The following CADM2 variants were observed in gnomAD, a reference collection of about 807,000 sequenced individuals.
CADM2 encodes immunoglobulin superfamily member 4D.
A neutral mutation model predicts 49.8 loss-of-function variants in CADM2; 12 were observed. That is an observed-to-expected ratio of 0.24 (90% CI 0.15 to 0.39). The LOEUF (loss-of-function observed/expected upper bound fraction) is 0.39. CADM2 is among the 10% of genes least tolerant of loss of function. The pLI is 1.00. For synonymous variants in CADM2, 214 were observed against 175.4 expected, an observed-to-expected ratio of 1.22 and a Z score of -1.74; for missense variants, 378 against 492.3, an observed-to-expected ratio of 0.77 and a Z score of 2.20.
intron 1 of CADM2, among the ~76,000 whole-genome samples, chr3:85,585,534 A>G (rs769409978): frequency 2.0e-5 from 3 of 151,958 alleles, no homozygotes; most frequent in Middle Eastern, 3.2e-3. Flanking sequence ...ATTCTTTATC[A>G]TAGGAATGTT....
At position 85,325,539 on chromosome 3, in the gene CADM2, G is replaced by A. The variant is rs1009021348; in HGVS notation, c.61+365871G>A. Among the ~76,000 whole-genome samples the A allele has an allele frequency of 1.1e-4, 16 of 151,906 alleles. 1 individual carries two copies. Among genetic ancestry groups the A allele is most frequent in the Admixed American group, 9.2e-4 (14 of 15,222 alleles). ...AGGATGGCCAACATGGCGAAACCCC[G>A]TTTCTGCTAAAAATACAAAAATTAG... is the stretch of plus-strand genomic sequence containing the variant. On this transcript the variant is annotated intron_variant, in intron 1 of 9. Transcript: ENST00000383699.
chr3:85,916,749 T>C (rs4274769), intron 6 of CADM2, among the ~76,000 whole-genome samples: 105,239 of 150,836 alleles, frequency 0.7, 38,261 homozygotes, highest in African/African-American at 0.92. Flanking sequence ...ATCACCACAC[T>C]GACTTCCACA....
intron 1 of CADM2, among the ~76,000 whole-genome samples, chr3:85,055,652 AG>A (rs2036052817): frequency 6.6e-6 from 1 of 152,066 alleles, no homozygotes; most frequent in Admixed American, 6.6e-5. Context: ...TTTCCATTGC[AG>A]ATACCTGCTT....
chr3:85,977,599 A>C (rs1445455223), intron 8 of CADM2, among the ~76,000 whole-genome samples: 1 of 151,636 alleles, frequency 6.6e-6, no homozygotes, highest in African/African-American at 2.4e-5. Context: ...TGTTTAAGAA[A>C]TCTTACCTTG....
intron 1 of CADM2, among the ~76,000 whole-genome samples, chr3:85,704,588 A>C (rs1481325059): frequency 6.6e-6 from 1 of 152,066 alleles, no homozygotes. Context: ...TCTGTTCATG[A>C]GGGCTCTACC....
intron 3 of CADM2, among the ~76,000 whole-genome samples, chr3:85,854,640 T>A (rs1415930436): frequency 6.6e-6 from 1 of 151,644 alleles, no homozygotes; most frequent in Non-Finnish European, 1.5e-5. Context: ...GGGTTGGGGG[T>A]CAAGGGGAGG....
At chr3:85,635,415 A>T (rs2064440049) in intron 1 of CADM2, among the ~76,000 whole-genome samples, 1 of 152,176 alleles carries the variant, frequency 6.6e-6, no homozygotes, top group South Asian at 2.1e-4. Context: ...AAAACTAGTC[A>T]CAGTAATCTC....
intron 8 of CADM2, among the ~76,000 whole-genome samples, chr3:86,003,346 G>A (rs1462330291): frequency 6.6e-6 from 1 of 152,148 alleles, no homozygotes; most frequent in African/African-American, 2.4e-5. Flanking sequence ...AGTTGCAATA[G>A]AGTAATAAAT....
chr3:85,987,959 C>T (rs1305541444), intron 8 of CADM2, among the ~76,000 whole-genome samples: 1 of 152,058 alleles, frequency 6.6e-6, no homozygotes, highest in East Asian at 1.9e-4. Context: ...AGGCACTGCC[C>T]TTGCTTCTTT....
chr3:85,930,344 T>C (rs1246434843), intron 6 of CADM2, among the ~76,000 whole-genome samples: 2 of 152,124 alleles, frequency 1.3e-5, no homozygotes, highest in Non-Finnish European at 1.5e-5. Context: ...GGTGTATATA[T>C]TTATGGGGTA....
intron 7 of CADM2, among the ~76,000 whole-genome samples, chr3:85,957,120 G>T (rs1724161493): frequency 6.6e-6 from 1 of 151,532 alleles, no homozygotes. Flanking sequence ...ATTTTTTGCT[G>T]CTTCAAGAGA....
At chr3:85,565,657 A>G (rs1238886334) in intron 1 of CADM2, among the ~76,000 whole-genome samples, 1 of 152,040 alleles carries the variant, frequency 6.6e-6, no homozygotes, top group African/African-American at 2.4e-5. Flanking sequence ...TTAAATTATC[A>G]CTTACTGGGG....
At chr3:85,623,350 C>T (rs557370196) in intron 1 of CADM2, among the ~76,000 whole-genome samples, 5 of 152,060 alleles carry the variant, frequency 3.3e-5, no homozygotes, top group South Asian at 2.1e-4. Context: ...TTTGATTATA[C>T]GTTATATGAA....
intron 3 of CADM2, among the ~76,000 whole-genome samples, chr3:85,826,598 G>A (rs534861298): frequency 2.6e-5 from 4 of 151,980 alleles, no homozygotes; most frequent in East Asian, 1.9e-4. Flanking sequence ...TCCCCCTACC[G>A]TTAGCAAATG....
At chr3:85,734,124 TG>T (rs2068039996) in intron 2 of CADM2, among the ~76,000 whole-genome samples, 1 of 152,098 alleles carries the variant, frequency 6.6e-6, no homozygotes, top group African/African-American at 2.4e-5. Context: ...ATATTTTTAA[TG>T]AAAAAAATTA....
chr3:85,215,138 A>G (rs2041888997), intron 1 of CADM2, among the ~76,000 whole-genome samples: 1 of 151,992 alleles, frequency 6.6e-6, no homozygotes, highest in Non-Finnish European at 1.5e-5. Flanking sequence ...CAACACTGAT[A>G]TTTATTCAAG....
intron 8 of CADM2, chr3:86,013,474 G>T (rs1167802761): frequency 1.9e-6 from 3 of 1,598,850 alleles, no homozygotes; most frequent in Non-Finnish European, 2.6e-6. Flanking sequence ...ATAAATTCTG[G>T]TGAAGAGGTT....
At chr3:85,254,734 T>C (rs979639625) in intron 1 of CADM2, among the ~76,000 whole-genome samples, 3 of 152,058 alleles carry the variant, frequency 2.0e-5, no homozygotes, top group African/African-American at 2.4e-5. Context: ...TTCTTACTCA[T>C]GAAAAGGCAA....
At chr3:85,276,222 G>T (rs572171279) in intron 1 of CADM2, among the ~76,000 whole-genome samples, 2 of 151,068 alleles carry the variant, frequency 1.3e-5, no homozygotes, top group Non-Finnish European at 3.0e-5. Context: ...CTCAATATTC[G>T]ATTAACCTTG....
Sources: gnomAD v4.1 joint callset for allele counts (sites outside exome capture counted in the v4.1 genomes callset) on GRCh38, gnomAD v4.1.1 for gene constraint, MANE v1.5 for transcripts, NCBI Gene and HGNC (gene_info 2026-07-23, HGNC 2026-07-21) for gene names.